DOCK3: variants seen among roughly 807,000 people sequenced by gnomAD.
The protein encoded by DOCK3 is dedicator of cytokinesis protein 3.
Under a neutral mutation model 265.6 loss-of-function variants are expected in DOCK3, and 60 were observed. The ratio of observed to expected loss-of-function variants is 0.23; its 90% CI spans 0.18 to 0.28. The LOEUF (loss-of-function observed/expected upper bound fraction) is 0.28, where lower values mean the gene tolerates loss of function less well. Ranked by LOEUF, DOCK3 falls within the 10% of genes least tolerant of loss-of-function variation. The pLI, the probability that DOCK3 is intolerant of heterozygous loss-of-function variation, is 1.00. For missense variants in DOCK3, 1,981 were observed against 2,594.3 expected (o/e 0.76, Z 5.14); for synonymous variants, 881 against 938.0 (o/e 0.94, Z 1.11).
intron 4 of DOCK3, among the ~76,000 whole-genome samples, chr3:50,924,901 T>C (rs1410782846): frequency 6.6e-6 from 1 of 152,208 alleles, no homozygotes; most frequent in African/African-American, 2.4e-5. Context: ...GGCTTCTCTT[T>C]GCAAGATAAT....
chr3:51,330,723 A>G (rs1191627048), intron 33 of DOCK3, among the ~76,000 whole-genome samples: 1 of 152,136 alleles, frequency 6.6e-6, no homozygotes, highest in Non-Finnish European at 1.5e-5. Flanking sequence ...GTACTGAATG[A>G]TGTCAGGGTT....
intron 4 of DOCK3, among the ~76,000 whole-genome samples, chr3:50,891,760 A>G (rs2048651842): frequency 1.3e-5 from 2 of 152,128 alleles, no homozygotes; most frequent in African/African-American, 4.8e-5. Context: ...GATGAAATCT[A>G]GGGATGCAGA....
At chr3:50,823,027 T>C (rs917623779) in intron 2 of DOCK3, among the ~76,000 whole-genome samples, 1 of 152,192 alleles carries the variant, frequency 6.6e-6, no homozygotes, top group Non-Finnish European at 1.5e-5. Context: ...ATACTTAGTA[T>C]ACATTTGTAA....
intron 5 of DOCK3, among the ~76,000 whole-genome samples, chr3:50,941,328 T>C (rs996293001): frequency 6.6e-6 from 1 of 152,088 alleles, no homozygotes; most frequent in African/African-American, 2.4e-5. Flanking sequence ...TCTACATCAT[T>C]AGCCAATAGA....
chr3:51,260,113 AT>A (rs1276910786), intron 22 of DOCK3, 42 bp from the exon 23 acceptor site: 2 of 1,581,538 alleles, frequency 1.3e-6, no homozygotes, highest in South Asian at 2.3e-5. Context: ...GTTCCTGAGC[AT>A]CTTCAACATC....
At chr3:50,910,136 T>G (rs1299454665) in intron 4 of DOCK3, among the ~76,000 whole-genome samples, 5 of 152,168 alleles carry the variant, frequency 3.3e-5, no homozygotes, top group Admixed American at 3.3e-4. Context: ...TTTTCATGAT[T>G]GTTAGCTTCT....
intron 23 of DOCK3, among the ~76,000 whole-genome samples, chr3:51,267,051 A>G (rs1470095295): frequency 6.6e-6 from 1 of 152,182 alleles, no homozygotes; most frequent in Non-Finnish European, 1.5e-5. Flanking sequence ...TATGCAGCCA[A>G]CCAACATATG....
chr3:51,070,179 A>C (rs1395698284), intron 6 of DOCK3, among the ~76,000 whole-genome samples: 1 of 152,238 alleles, frequency 6.6e-6, no homozygotes, highest in African/African-American at 2.4e-5. Context: ...TATTTGAGTA[A>C]TAAAGTGGAT....
intron 4 of DOCK3, among the ~76,000 whole-genome samples, chr3:50,902,762 T>C (rs1221386016): frequency 6.6e-6 from 1 of 152,234 alleles, no homozygotes; most frequent in African/African-American, 2.4e-5. Context: ...TAAATTACTT[T>C]GGGCAGTATG....
Position 51,360,592 on chromosome 3 carries a change from C to A in DOCK3, c.4966C>A (p.Pro1656Thr), listed in dbSNP as rs1243681139. Residue 1656 changes from proline to threonine, a missense_variant, in exon 47 of 53, where the codon CCC becomes ACC. Pro to Thr is a conservative substitution (Grantham distance 38). Around this residue, in one of 4 missense-constraint regions of DOCK3, gnomAD observed 1,357 missense variants for 1,866.8 expected, o/e 0.73. Coordinates refer to ENST00000266037, the MANE Select transcript of DOCK3 (RefSeq NM_004947.5). ...GGGAAATGTTCTGGCATCCCATAGC[C>A]CCATGAGTCCGGAGAGCATCAAGAT... Reference protein sequence around the residue: ...PRGNVLASHSPMSPESIKMTH... With the variant: ...PRGNVLASHSTMSPESIKMTH... The A allele has an allele frequency of 6.2e-7, 1 of 1,613,850 alleles. No homozygotes were observed. The highest frequency in any genetic ancestry group is 2.2e-5 in the East Asian group (1 of 44,854).
In DOCK3 at chr3:51,356,500, C is replaced by T. The variant is rs377699597; in HGVS notation, c.4503+7C>T. 4 of 1,611,660 alleles carry T rather than the reference C, an allele frequency of 2.5e-6. No homozygotes were observed. The highest frequency in any genetic ancestry group is 1.3e-5 in the African/African-American group (1 of 74,956). ...AGTGGAGAGGAGGGAACTGGTGAGA[C>T]ATGTCTCAGATGAAGCTGAGCTTCA... On this transcript the variant is annotated splice_region_variant and intron_variant, in intron 43 of 52. Transcript: ENST00000266037.
intron 27 of DOCK3, among the ~76,000 whole-genome samples, chr3:51,291,879 C>T (rs2081797955): frequency 6.6e-6 from 1 of 152,108 alleles, no homozygotes; most frequent in African/African-American, 2.4e-5. Context: ...TTCAACAGTA[C>T]ATTAAAAGGA....
chr3:51,321,640 T>C (rs1221429970), intron 32 of DOCK3, among the ~76,000 whole-genome samples: 1 of 152,092 alleles, frequency 6.6e-6, no homozygotes, highest in Non-Finnish European at 1.5e-5. Flanking sequence ...ATAAATGACC[T>C]GATGGAGCTG....
At chr3:51,186,440 C>T (rs527629110) in intron 12 of DOCK3, among the ~76,000 whole-genome samples, 38 of 152,260 alleles carry the variant, frequency 2.5e-4, no homozygotes, top group Non-Finnish European at 4.6e-4. Flanking sequence ...TTGGAAAATT[C>T]GCAGCCTAAC....
In DOCK3 at chr3:51,016,954, TA is replaced by T. The variant is rs2079367515; in HGVS notation, c.316-47493del. ...TATACAATATATGTTATATATAATA[TA>T]TATATTATATATATATAAATAAATG... On this transcript the variant is annotated intron_variant, in intron 5 of 52. Coordinates refer to ENST00000266037, the MANE Select transcript of DOCK3 (RefSeq NM_004947.5). 1.4e-4 allele frequency among the ~76,000 whole-genome samples: 3 copies of T among 21,550 alleles called. 1 individual carries two copies. Among genetic ancestry groups the T allele is most frequent in the African/African-American group, 7.0e-4 (2 of 2,874 alleles). The allele number at this position is 21,550 out of a possible 152,430, so 14.1% of individuals were successfully genotyped here.
chr3:51,202,202 C>G (rs2088831475), intron 12 of DOCK3, among the ~76,000 whole-genome samples: 1 of 129,552 alleles, frequency 7.7e-6, no homozygotes, highest in Non-Finnish European at 1.6e-5. Context: ...ACACAAAAAA[C>G]CCTTCAAAAA....
At chr3:50,962,314 G>A (rs1180699099) in intron 5 of DOCK3, among the ~76,000 whole-genome samples, 1 of 152,190 alleles carries the variant, frequency 6.6e-6, no homozygotes, top group African/African-American at 2.4e-5. Flanking sequence ...GCATATTGAA[G>A]TGAAAGTTCC....
At chr3:51,029,821 G>A (rs4438692) in intron 5 of DOCK3, among the ~76,000 whole-genome samples, 137,204 of 152,208 alleles carry the variant, frequency 0.9, 62,034 homozygotes, top group African/African-American at 0.95. Context: ...CAGGGCAGTG[G>A]TACCACATGT....
At position 51,382,891 on chromosome 3, in the gene DOCK3, G is replaced by A. The variant is rs1380813399; in HGVS notation, c.*1332G>A. 1.3e-5 allele frequency: 2 copies of A among 152,356 alleles called. No individual in the cohort carries two copies. The highest frequency in any genetic ancestry group is 4.8e-5 in the African/African-American group (2 of 41,424). 9.4% of individuals were successfully genotyped at this position (152,356 alleles called of 1,614,324 possible). ...GATTTTCCTCTCAGTTTATTATTTG[G>A]GGGGATAGGGTCAGGTGGGTATAGT... On this transcript the variant is annotated 3_prime_UTR_variant, in exon 53 of 53. Transcript: ENST00000266037.
Sources: allele counts gnomAD v4.1 joint callset (sites outside exome capture counted in the v4.1 genomes callset), GRCh38; gene constraint gnomAD v4.1.1; regional missense constraint gnomAD v4.1.1; transcripts MANE v1.5; gene names NCBI Gene and HGNC (gene_info 2026-07-23, HGNC 2026-07-21).